The following GPC5 variants were observed in gnomAD, a reference collection of about 807,000 sequenced individuals.
GPC5 encodes the protein glypican-5.
In GPC5, 47 loss-of-function variants were observed where a neutral mutation model predicts 53.9. The ratio of observed to expected loss-of-function variants is 0.87; its 90% CI spans 0.69 to 1.11. The LOEUF is 1.11. Ranked by LOEUF, GPC5 falls within the 50% of genes most tolerant of loss-of-function variation. The pLI is 0.00. For missense variants in GPC5, 748 were observed against 713.1 expected, an observed-to-expected ratio of 1.05 and a Z score of -0.56; for synonymous variants, 286 against 263.3, an observed-to-expected ratio of 1.09 and a Z score of -0.84.
intron 7 of GPC5, among the ~76,000 whole-genome samples, chr13:92,367,497 AT>A: frequency 6.6e-6 from 1 of 152,216 alleles, no homozygotes; most frequent in East Asian, 1.9e-4. Context: ...AACTTTTGCC[AT>A]TTTTTACCTG....
chr13:92,429,653 G>C lies in GPC5; in HGVS notation c.1561+284664G>C, dbSNP rs1044319931. Among the ~76,000 whole-genome samples, 13 of 151,660 alleles carry C rather than the reference G, an allele frequency of 8.6e-5. 1 individual carries two copies. In the East Asian group the frequency reaches 2.5e-3, roughly 29 times the overall value. ...CTGTTTGTTTTCTATCAACCTCTCT[G>C]GAAATTTTACTTTTCAGAAGTTATA... On this transcript the variant is annotated intron_variant, in intron 7 of 7. Transcript: ENST00000377067.
intron 7 of GPC5, among the ~76,000 whole-genome samples, chr13:92,428,089 T>C (rs1277244575): frequency 6.6e-6 from 1 of 152,130 alleles, no homozygotes. Flanking sequence ...GAAAGAGTCC[T>C]ATTACTACCG....
Position 92,836,114 on chromosome 13 carries a change from T to G in GPC5, c.1562-30168T>G, listed in dbSNP as rs9561174. 0.026 allele frequency among the ~76,000 whole-genome samples: 3,857 copies of G among 150,892 alleles called. 385 individuals are homozygous for G. The East Asian group carries it at 0.32, about 13-fold the overall frequency. On this transcript the variant is annotated intron_variant, in intron 7 of 7. Coordinates refer to ENST00000377067, the MANE Select transcript of GPC5 (RefSeq NM_004466.6). ...CAGTGAAATATTTTCCAAAATTACT[T>G]TTGTTTATCAACTTTAAGTATAATT...
intron 5 of GPC5, among the ~76,000 whole-genome samples, chr13:91,794,965 G>A (rs559731052): frequency 6.6e-6 from 1 of 152,246 alleles, no homozygotes; most frequent in Admixed American, 6.5e-5. Context: ...ATAAAGGAAG[G>A]GAGGAGAGGA....
intron 7 of GPC5, among the ~76,000 whole-genome samples, chr13:92,217,809 A>G (rs1445166148): frequency 6.6e-6 from 1 of 152,036 alleles, no homozygotes; most frequent in African/African-American, 2.4e-5. Context: ...AGAATGCCAG[A>G]TAACTCATGC....
At chr13:92,625,712 C>T (rs576447845) in intron 7 of GPC5, among the ~76,000 whole-genome samples, 1 of 152,344 alleles carries the variant, frequency 6.6e-6, no homozygotes, top group South Asian at 2.1e-4. Context: ...CTTCAGCAGT[C>T]TGTTCCTTGA....
chr13:91,739,303 T>G (rs541272693), intron 4 of GPC5, among the ~76,000 whole-genome samples: 1 of 151,462 alleles, frequency 6.6e-6, no homozygotes, highest in South Asian at 2.1e-4. Context: ...ACCTGCCTCC[T>G]GGCTGCTGTG....
At chr13:91,908,942 T>C (rs2039582694) in intron 6 of GPC5, among the ~76,000 whole-genome samples, 1 of 152,166 alleles carries the variant, frequency 6.6e-6, no homozygotes, top group Admixed American at 6.6e-5. Context: ...GAGTCAGTAG[T>C]AGACTTCTCA....
chr13:91,970,761 A>G (rs1267072220), intron 6 of GPC5, among the ~76,000 whole-genome samples: 1 of 152,172 alleles, frequency 6.6e-6, no homozygotes, highest in Non-Finnish European at 1.5e-5. Flanking sequence ...TATATACTGG[A>G]TTACATTTAT....
At chr13:92,841,478 C>T (rs1209008535) in intron 7 of GPC5, among the ~76,000 whole-genome samples, 1 of 152,020 alleles carries the variant, frequency 6.6e-6, no homozygotes, top group African/African-American at 2.4e-5. Context: ...CAAGTTCTGG[C>T]AAATCTTATG....
chr13:91,871,031 A>T (rs946685115), intron 5 of GPC5, among the ~76,000 whole-genome samples: 2 of 152,234 alleles, frequency 1.3e-5, no homozygotes, highest in Non-Finnish European at 2.9e-5. Flanking sequence ...TATACACAGC[A>T]TAAAGGTAAT....
At chr13:91,797,706 C>G (rs1474155115) in intron 5 of GPC5, among the ~76,000 whole-genome samples, 4 of 152,132 alleles carry the variant, frequency 2.6e-5, no homozygotes, top group African/African-American at 9.7e-5. Context: ...TTGATGTAGA[C>G]AGAGTGCTTT....
chr13:92,502,264 A>G (rs1002158661), intron 7 of GPC5, among the ~76,000 whole-genome samples: 36 of 152,134 alleles, frequency 2.4e-4, no homozygotes, highest in Non-Finnish European at 1.9e-4. Context: ...TAGAGTAAAA[A>G]AGATGTTGGA....
intron 7 of GPC5, among the ~76,000 whole-genome samples, chr13:92,608,954 T>G (rs564963196): frequency 6.6e-6 from 1 of 152,304 alleles, no homozygotes; most frequent in South Asian, 2.1e-4. Flanking sequence ...GTCATGAATA[T>G]CCTTTCTTAC....
chr13:91,843,181 A>G (rs1007854492), intron 5 of GPC5, among the ~76,000 whole-genome samples: 3 of 152,208 alleles, frequency 2.0e-5, no homozygotes, highest in African/African-American at 7.2e-5. Flanking sequence ...AACTTGATTA[A>G]TGATCCTCAT....
At chr13:91,562,502 C>T (rs539600156) in intron 2 of GPC5, among the ~76,000 whole-genome samples, 6 of 151,930 alleles carry the variant, frequency 3.9e-5, no homozygotes, top group Non-Finnish European at 7.4e-5. Context: ...CTCACTCTGT[C>T]GCCCAGGTTG....
intron 7 of GPC5, among the ~76,000 whole-genome samples, chr13:92,417,061 G>A (rs984327238): frequency 1.3e-5 from 2 of 152,260 alleles, no homozygotes; most frequent in Non-Finnish European, 2.9e-5. Flanking sequence ...AGTACACTTC[G>A]TGTAAGTCAC....
chr13:92,562,082 G>C (rs1471678839), intron 7 of GPC5, among the ~76,000 whole-genome samples: 1 of 152,044 alleles, frequency 6.6e-6, no homozygotes, highest in Non-Finnish European at 1.5e-5. Flanking sequence ...TAGGAATTCA[G>C]AAATAACTGT....
chr13:92,296,685 C>T (rs910664335), intron 7 of GPC5, among the ~76,000 whole-genome samples: 10 of 152,292 alleles, frequency 6.6e-5, no homozygotes, highest in East Asian at 3.9e-4. Context: ...GAGCGGGAAC[C>T]GGGGCTGCGT....
Sources: allele counts gnomAD v4.1 joint callset (sites outside exome capture counted in the v4.1 genomes callset), GRCh38; gene constraint gnomAD v4.1.1; transcripts MANE v1.5; gene names NCBI Gene and HGNC (gene_info 2026-07-23, HGNC 2026-07-21).